ZNF658: variants seen among roughly 807,000 people sequenced by gnomAD.
The protein encoded by ZNF658 is zinc finger protein 658.
In ZNF658, 46 loss-of-function variants were observed where a neutral mutation model predicts 78.0. That is an observed-to-expected ratio of 0.59 (90% confidence interval 0.47 to 0.75). ZNF658 has a LOEUF of 0.75. Ranked by LOEUF, ZNF658 falls within the 30% of genes least tolerant of loss-of-function variation. The pLI, the probability that ZNF658 is intolerant of heterozygous loss-of-function variation, is 0.00. For synonymous variants in ZNF658, 279 were observed against 408.4 expected (o/e 0.68, Z 3.82); for missense variants, 785 against 1,189.3 (o/e 0.66, Z 5.00).
rs1159041155 is a variant in ZNF658, at chr9:66,900,838, T to C, written c.-45+2T>C. On this transcript the variant is annotated splice_donor_variant, in intron 1 of 4. Coordinates refer to ENST00000621410, the MANE Select transcript of ZNF658 (RefSeq NM_033160.7). LOFTEE classifies it low-confidence loss of function (5UTR_SPLICE). Reference sequence around the variant, plus strand: ...GGGAGCCGAGGCTGCGCACCTGGGGTGAGAGCGTCGGTGACAGGGCTCCGC... The same window carrying C: ...GGGAGCCGAGGCTGCGCACCTGGGGCGAGAGCGTCGGTGACAGGGCTCCGC... 6.6e-6 allele frequency: 1 copy of C among 152,114 alleles called. No homozygotes were observed. The highest frequency in any genetic ancestry group is 1.5e-5 in the Non-Finnish European group (1 of 68,018). The allele number at this position is 152,114 out of a possible 1,614,324, so 9.4% of individuals were successfully genotyped here. A position where few individuals can be genotyped will look rare whatever the true frequency, so the allele number is the denominator to read the frequency against.
intron 2 of ZNF658, 140 bp from the exon 3 acceptor site, chr9:66,908,097 TG>T (rs1318382029): frequency 6.7e-7 from 1 of 1,500,818 alleles, no homozygotes; most frequent in Non-Finnish European, 9.0e-7. Flanking sequence ...GAGTTACATA[TG>T]TTAAGACAAT....
chr9:66,910,735 G>A (rs561576366), intron 4 of ZNF658, among the ~76,000 whole-genome samples: 2 of 150,582 alleles, frequency 1.3e-5, no homozygotes, highest in Non-Finnish European at 2.9e-5. Context: ...GGCAGAGCTT[G>A]CAGTGAGCCG....
chr9:66,908,118 A>G lies in ZNF658; in HGVS notation c.16-120A>G, dbSNP rs1822121517. 1.9e-6 allele frequency: 3 copies of G among 1,573,874 alleles called. No homozygotes were observed. The South Asian group carries it at 3.4e-5, about 18-fold the overall frequency. The stretch of plus-strand genomic sequence containing the variant: ...CATATGTTAAGACAATTTTGGGTCT[A>G]AAATAGGCCTTTATAACCATTCATT... On this transcript the variant is annotated intron_variant, in intron 2 of 4. Transcript: ENST00000621410.
chr9:66,915,552 C>T lies in ZNF658; in HGVS notation c.239-2253C>T, dbSNP rs868448559. ...AACACAGTCATGTTGGCACCCTAAT[C>T]TCAGACTTCCAGTCTCCTGCACTGG... On this transcript the variant is annotated intron_variant, in intron 4 of 4. Coordinates refer to ENST00000621410, the MANE Select transcript of ZNF658 (RefSeq NM_033160.7). Among the ~76,000 whole-genome samples, 431 of 151,612 alleles carry T rather than the reference C, an allele frequency of 2.8e-3. 2 individuals are homozygous for T. The highest frequency in any genetic ancestry group is 6.8e-3 in the Middle Eastern group (2 of 294).
chr9:66,901,302 C>G (rs539585068), intron 1 of ZNF658, among the ~76,000 whole-genome samples: 4 of 152,102 alleles, frequency 2.6e-5, no homozygotes, highest in Non-Finnish European at 5.9e-5. Flanking sequence ...GGGATGGGTA[C>G]CCCAGGGCAC....
Position 66,908,619 on chromosome 9 carries a change from G to C in ZNF658, c.143-20G>C. On this transcript the variant is annotated intron_variant, in intron 3 of 4. Transcript: ENST00000621410. ...CCAAAAGCCTGTGAATCTGGTCCAT[G>C]TCAATTATTTTGTTTACAGGATATT... 1 of 1,561,966 alleles carries C rather than the reference G, an allele frequency of 6.4e-7. No individual in the cohort carries two copies. The highest frequency in any genetic ancestry group is 1.2e-5 in the South Asian group (1 of 86,098).
chr9:66,904,532 T>C (rs545779439), intron 2 of ZNF658, among the ~76,000 whole-genome samples: 2 of 152,294 alleles, frequency 1.3e-5, no homozygotes, highest in African/African-American at 4.8e-5. Context: ...AAAACTGCTT[T>C]TTTTGAGATT....
chr9:66,905,355 C>G (rs1222771262), intron 2 of ZNF658, among the ~76,000 whole-genome samples: 1 of 148,840 alleles, frequency 6.7e-6, no homozygotes, highest in Admixed American at 6.7e-5. Context: ...CAGGTGTGAG[C>G]CACTGCTCCC....
In ZNF658 at chr9:66,919,814, A is replaced by G; in HGVS notation, c.2248A>G (p.Thr750Ala). 2.5e-6 allele frequency: 4 copies of G among 1,608,256 alleles called. No individual in the cohort carries two copies. Among genetic ancestry groups the G allele is most frequent in the Non-Finnish European group, 3.4e-6 (4 of 1,178,698 alleles). The change falls in exon 5 of 5, where the codon ACT (threonine) becomes GCT (alanine). Residue 750 changes from threonine (T) to alanine (A), a missense_variant. By Grantham distance (58) the Thr-to-Ala change is moderately conservative (BLOSUM62 0). Around this residue, in one of 12 missense-constraint regions of ZNF658, gnomAD observed 75 missense variants for 147.1 expected, o/e 0.51. Coordinates refer to ENST00000621410, the MANE Select transcript of ZNF658 (RefSeq NM_033160.7). ...KLYECSECGK[T>A]FFQKTRLSTH... ...CTATGAATGTAGTGAATGTGGAAAA[A>G]CTTTTTTCCAGAAGACACGCCTCAG...
chr9:66,905,072 T>TTC (rs1822046669), intron 2 of ZNF658, among the ~76,000 whole-genome samples: 1 of 97,582 alleles, frequency 1.0e-5, no homozygotes, highest in Non-Finnish European at 2.1e-5. Context: ...TCTTTTCTTT[T>TTC]TTTTTTTTTT....
Position 66,908,372 on chromosome 9 carries a change from T to C in ZNF658, c.142+8T>C. ...GCCACCTCATCTCAGTGGGTGAGCATAGCTTACCATGGGGCTCTCTCGAGA... is the reference window on the plus strand; with the variant it reads ...GCCACCTCATCTCAGTGGGTGAGCACAGCTTACCATGGGGCTCTCTCGAGA... On this transcript the variant is annotated splice_region_variant and intron_variant, in intron 3 of 4. Transcript: ENST00000621410. 2 of 1,614,040 alleles carry C rather than the reference T, an allele frequency of 1.2e-6. No individual in the cohort carries two copies. Among genetic ancestry groups the C allele is most frequent in the South Asian group, 1.1e-5 (1 of 91,064 alleles).
At chr9:66,905,055 C>T (rs1458223892) in intron 2 of ZNF658, among the ~76,000 whole-genome samples, 29 of 54,630 alleles carry the variant, frequency 5.3e-4, no homozygotes, top group Non-Finnish European at 9.8e-4. Context: ...TTTTTCTTTT[C>T]TCTTTTTCTT....
chr9:66,902,099 C>T (rs960923506), intron 1 of ZNF658, among the ~76,000 whole-genome samples: 2 of 151,614 alleles, frequency 1.3e-5, no homozygotes, highest in Non-Finnish European at 2.9e-5. Context: ...TTCTATGTGG[C>T]TGATGGCTGC....
intron 1 of ZNF658, among the ~76,000 whole-genome samples, chr9:66,901,556 C>T (rs1360614868): frequency 2.0e-5 from 3 of 151,678 alleles, no homozygotes; most frequent in Non-Finnish European, 4.4e-5. Context: ...GCTCCTGAAT[C>T]CTCTTGTACT....
chr9:66,931,586 A>G (rs1469490437), intron 6 of ZNF658, among the ~76,000 whole-genome samples: 3 of 150,284 alleles, frequency 2.0e-5, no homozygotes, highest in African/African-American at 4.9e-5. Flanking sequence ...GGTGAAATGT[A>G]TAAGGGACCT....
intron 6 of ZNF658, among the ~76,000 whole-genome samples, chr9:66,929,142 G>T (rs1587374066): frequency 6.6e-6 from 1 of 151,344 alleles, no homozygotes; most frequent in Non-Finnish European, 1.5e-5. Flanking sequence ...AAATCATTTT[G>T]CTTGAGAATA....
intron 6 of ZNF658, among the ~76,000 whole-genome samples, chr9:66,927,337 T>G (rs1443894681): frequency 3.3e-5 from 5 of 151,478 alleles, no homozygotes; most frequent in African/African-American, 1.2e-4. Flanking sequence ...GGATGATGAT[T>G]ATTTAAAAAA....
At chr9:66,910,802 T>C (rs1190693033) in intron 4 of ZNF658, among the ~76,000 whole-genome samples, 1 of 51,688 alleles carries the variant, frequency 1.9e-5, no homozygotes, top group South Asian at 4.4e-4. Context: ...TCCCAAAAAA[T>C]TAAAAAAAAA....
At chr9:66,906,998 G>A (rs1587356154) in intron 2 of ZNF658, among the ~76,000 whole-genome samples, 1 of 151,582 alleles carries the variant, frequency 6.6e-6, no homozygotes, top group East Asian at 1.9e-4. Context: ...AAGTCTTCTT[G>A]TTGTGGAAAC....
Sources: allele counts gnomAD v4.1 joint callset (sites outside exome capture counted in the v4.1 genomes callset), GRCh38; gene constraint gnomAD v4.1.1; regional missense constraint gnomAD v4.1.1; transcripts MANE v1.5; gene names NCBI Gene and HGNC (gene_info 2026-07-23, HGNC 2026-07-21).